Variants in PTH1R observed in about 807,000 individuals in gnomAD.
PTH1R encodes the protein parathyroid hormone/parathyroid hormone-related peptide receptor.
In PTH1R, 32 loss-of-function variants were observed where a neutral mutation model predicts 70.7. The ratio of observed to expected loss-of-function variants is 0.45; its 90% CI spans 0.34 to 0.61. The LOEUF is 0.61. PTH1R is among the 20% of genes least tolerant of loss of function. The pLI, the probability that PTH1R is intolerant of heterozygous loss-of-function variation, is 0.01. For missense variants in PTH1R, 626 were observed against 792.5 expected, an observed-to-expected ratio of 0.79 and a Z score of 2.52; for synonymous variants, 329 against 324.8, an observed-to-expected ratio of 1.01 and a Z score of -0.14.
At position 46,882,254 on chromosome 3, in the gene PTH1R, G is replaced by A. The variant is rs1194490248; in HGVS notation, c.-49+1136G>A. The stretch of plus-strand genomic sequence containing the variant: ...GCGCCCGGCCGGGGAGAAGGGGAGC[G>A]GCAGACGCCGAGGCGAGGGATGCGC... On this transcript the variant is annotated intron_variant, in intron 2 of 15. Coordinates refer to ENST00000449590, the MANE Select transcript of PTH1R (RefSeq NM_000316.3). This position sits in a 1 kb window ranked among gnomAD's most constrained non-coding sequence, Gnocchi z 4.3. 6.6e-6 allele frequency: 1 copy of A among 151,854 alleles called. No individual in the cohort carries two copies. The highest frequency in any genetic ancestry group is 2.4e-5 in the African/African-American group (1 of 41,356). 9.4% of individuals were successfully genotyped at this position (151,854 alleles called of 1,614,324 possible).
rs2031569428 is a variant in PTH1R at position 46,893,795 on chromosome 3, C to T, written c.76-112C>T. ...ATGCAGGGGAAATCCCACCTTCCCT[C>T]TAGAGTCAGGGCCTTTTGAAAGGGG... On this transcript the variant is annotated intron_variant, in intron 3 of 15. Transcript: ENST00000449590. The surrounding 1 kb of genome is among the most constrained non-coding windows in gnomAD (Gnocchi z 5.2). The T allele has an allele frequency of 1.0e-6, 1 of 962,580 alleles. No homozygotes were observed. The highest frequency in any genetic ancestry group is 1.6e-6 in the Non-Finnish European group (1 of 609,548). The allele number at this position is 962,580 out of a possible 1,614,324, so 59.6% of individuals were successfully genotyped here. A position where few individuals can be genotyped will look rare whatever the true frequency, so the allele number is the denominator to read the frequency against.
intron 6 of PTH1R, 51 bp downstream of exon 6, chr3:46,898,016 C>T (rs1435645283): frequency 8.7e-6 from 14 of 1,612,632 alleles, no homozygotes; most frequent in African/African-American, 1.3e-5. Context: ...AGACTTGGAG[C>T]TAGGGGTTCA....
In PTH1R at chr3:46,898,788, C is replaced by T; in HGVS notation, c.765C>T (p.Arg255=). 1.3e-6 allele frequency: 2 copies of T among 1,599,978 alleles called. No individual in the cohort carries two copies. Among genetic ancestry groups the T allele is most frequent in the Non-Finnish European group, 8.5e-7 (1 of 1,177,384 alleles). ...GCGCCACGCTTGATGAGGCTGAGCG[C>T]CTCACCGAGGAGGAGCTGCGCGCCA... ...YSGATLDEAE[R]LTEEELRAIA... Residue 255 remains arginine, a synonymous_variant, in exon 9 of 16, where the codon CGC becomes CGT. Coordinates refer to ENST00000449590, the MANE Select transcript of PTH1R (RefSeq NM_000316.3).
intron 3 of PTH1R, among the ~76,000 whole-genome samples, chr3:46,888,995 C>T (rs950610137): frequency 6.6e-6 from 1 of 152,186 alleles, no homozygotes; most frequent in Non-Finnish European, 1.5e-5. Context: ...GGTGGCGGGG[C>T]AGGACGAGGA....
rs2030858688 is a variant in PTH1R at position 46,884,095 on chromosome 3, C to A, written c.75+461C>A. Among the ~76,000 whole-genome samples, 1 of 152,152 alleles carries A rather than the reference C, an allele frequency of 6.6e-6. No homozygotes were observed. Among genetic ancestry groups the A allele is most frequent in the Non-Finnish European group, 1.5e-5 (1 of 68,020 alleles). On this transcript the variant is annotated intron_variant, in intron 3 of 15. Transcript: ENST00000449590. This position sits in a 1 kb window ranked among gnomAD's most constrained non-coding sequence, Gnocchi z 4.8. ...CCAGGCAGGGGGTAGGATTTAGGGG[C>A]CCCCTCCAGCCCTCACACACACACA...
At chr3:46,885,352 A>G (rs2030949005) in intron 3 of PTH1R, among the ~76,000 whole-genome samples, 1 of 152,164 alleles carries the variant, frequency 6.6e-6, no homozygotes, top group Admixed American at 6.5e-5. Context: ...TATTTCATAA[A>G]TGCTTCTGTA....
In PTH1R at chr3:46,883,461, G is replaced by A. The variant is rs1176965677; in HGVS notation, c.-48-51G>A. Reference sequence around the variant, plus strand: ...ACGCCGGGGTCCCATAGGCCGGGGCGTGGGCGGGGCGGCCAGCCTGACGCA... The same window carrying A: ...ACGCCGGGGTCCCATAGGCCGGGGCATGGGCGGGGCGGCCAGCCTGACGCA... On this transcript the variant is annotated intron_variant, in intron 2 of 15. Transcript: ENST00000449590. The surrounding 1 kb of genome is among the most constrained non-coding windows in gnomAD (Gnocchi z 6.4). The A allele has an allele frequency of 9.3e-7, 1 of 1,071,350 alleles. No individual in the cohort carries two copies. The highest frequency in any genetic ancestry group is 1.2e-6 in the Non-Finnish European group (1 of 839,336). The allele number at this position is 1,071,350 out of a possible 1,614,324, so 66.4% of individuals were successfully genotyped here.
At position 46,896,276 on chromosome 3, in the gene PTH1R, T is replaced by C. The variant is rs1350226566; in HGVS notation, c.313+407T>C. ...AGGCAGGGAGAGACAGTCACAGAGA[T>C]AGAGGGGACCAGGAGGCACACACTG... On this transcript the variant is annotated intron_variant, in intron 5 of 15. Transcript: ENST00000449590. This position sits in a 1 kb window ranked among gnomAD's most constrained non-coding sequence, Gnocchi z 4.1. Among the ~76,000 whole-genome samples the C allele has an allele frequency of 6.6e-6, 1 of 150,790 alleles. No individual in the cohort carries two copies. The highest frequency in any genetic ancestry group is 2.4e-5 in the African/African-American group (1 of 40,920).
In PTH1R at chr3:46,883,522, G is replaced by C. The variant is rs1417792970; in HGVS notation, c.-38G>C. 3 of 1,474,792 alleles carry C rather than the reference G, an allele frequency of 2.0e-6. No individual in the cohort carries two copies. The Admixed American group carries it at 6.9e-5, about 34-fold the overall frequency. 91.4% of individuals were successfully genotyped at this position (1,474,792 alleles called of 1,614,324 possible). A position where few individuals can be genotyped will look rare whatever the true frequency, so the allele number is the denominator to read the frequency against. On this transcript the variant is annotated 5_prime_UTR_variant, in exon 3 of 16. Transcript: ENST00000449590. The surrounding 1 kb of genome is among the most constrained non-coding windows in gnomAD (Gnocchi z 6.4). ...CCCTACCACCACCAGGGCCGGCGGC[G>C]GCGGCTGCCCCGAGGGACGCGGCCC...
At chr3:46,899,179 C>G (rs1294691625) in intron 9 of PTH1R, 124 bp from the exon 10 acceptor site, 3 of 1,334,408 alleles carry the variant, frequency 2.2e-6, no homozygotes, top group Non-Finnish European at 3.2e-6. Flanking sequence ...CAAACGAAGC[C>G]TGCCCCTTCC....
In PTH1R at chr3:46,899,469, A is replaced by T. The variant is rs763380608; in HGVS notation, c.988+13A>T. ...GTCTTCGGCTGGGGTACGCGGGCACAGCGGGTAGCGAGGTGCCGGCAGGGG... is the reference window on the plus strand; with the variant it reads ...GTCTTCGGCTGGGGTACGCGGGCACTGCGGGTAGCGAGGTGCCGGCAGGGG... On this transcript the variant is annotated intron_variant, in intron 10 of 15. Transcript: ENST00000449590. 3 of 1,607,650 alleles carry T rather than the reference A, an allele frequency of 1.9e-6. No individual in the cohort carries two copies. The South Asian group carries it at 3.3e-5, about 18-fold the overall frequency.
intron 3 of PTH1R, among the ~76,000 whole-genome samples, chr3:46,886,534 T>C (rs2106970309): frequency 6.6e-6 from 1 of 152,284 alleles, no homozygotes; most frequent in Non-Finnish European, 1.5e-5. Context: ...ATTTTTTGTA[T>C]TTTTAGTAGA....
Position 46,901,999 on chromosome 3 carries a change from C to T in PTH1R, c.1211+139C>T, listed in dbSNP as rs2032157321. 1 of 1,011,950 alleles carries T rather than the reference C, an allele frequency of 9.9e-7. No homozygotes were observed. Among genetic ancestry groups the T allele is most frequent in the Non-Finnish European group, 1.5e-6 (1 of 668,772 alleles). The allele number at this position is 1,011,950 out of a possible 1,614,324, so 62.7% of individuals were successfully genotyped here. Reference sequence around the variant, plus strand: ...CCCAGCGTCTGACTCCCTGGCTGTCCTCACCCACCTGGCCTGCCCAGCAGT... The same window carrying T: ...CCCAGCGTCTGACTCCCTGGCTGTCTTCACCCACCTGGCCTGCCCAGCAGT... On this transcript the variant is annotated intron_variant, in intron 13 of 15. Coordinates refer to ENST00000449590, the MANE Select transcript of PTH1R (RefSeq NM_000316.3). The surrounding 1 kb of genome is among the most constrained non-coding windows in gnomAD (Gnocchi z 7.3).
At position 46,893,051 on chromosome 3, in the gene PTH1R, G is replaced by T. The variant is rs1243642716; in HGVS notation, c.76-856G>T. Among the ~76,000 whole-genome samples the T allele has an allele frequency of 6.6e-6, 1 of 152,188 alleles. No individual in the cohort carries two copies. Among genetic ancestry groups the T allele is most frequent in the Non-Finnish European group, 1.5e-5 (1 of 68,032 alleles). On this transcript the variant is annotated intron_variant, in intron 3 of 15. Transcript: ENST00000449590. The surrounding 1 kb of genome is among the most constrained non-coding windows in gnomAD (Gnocchi z 5.2). ...ACCCCTCAGCAGCCACCTGCTCTGG[G>T]TGAGCCTCCACCCGCATGATATTTC...
At position 46,901,230 on chromosome 3, in the gene PTH1R, C is replaced by A; in HGVS notation, c.1049+145C>A. ...CAGTCCAGCCTCAAGCCAGGAGCAC[C>A]CTCAGGGTCACAGGAGGCTACTTCC... On this transcript the variant is annotated intron_variant, in intron 11 of 15. Coordinates refer to ENST00000449590, the MANE Select transcript of PTH1R (RefSeq NM_000316.3). The surrounding 1 kb of genome is among the most constrained non-coding windows in gnomAD (Gnocchi z 7.3). The A allele has an allele frequency of 1.5e-6, 2 of 1,307,648 alleles. No individual in the cohort carries two copies. The highest frequency in any genetic ancestry group is 2.5e-5 in the South Asian group (2 of 78,924). The allele number at this position is 1,307,648 out of a possible 1,614,324, so 81.0% of individuals were successfully genotyped here.
intron 2 of PTH1R, among the ~76,000 whole-genome samples, 190 bp downstream of exon 2, chr3:46,881,308 A>T (rs1302311023): frequency 6.6e-6 from 1 of 152,150 alleles, no homozygotes; most frequent in Non-Finnish European, 1.5e-5. Flanking sequence ...TTAGAGCTCC[A>T]GCGTGCCCTC....
chr3:46,903,165 G>A lies in PTH1R; in HGVS notation c.1396-105G>A, dbSNP rs1479244900. 2 of 1,550,146 alleles carry A rather than the reference G, an allele frequency of 1.3e-6. No individual in the cohort carries two copies. The highest frequency in any genetic ancestry group is 1.7e-6 in the Non-Finnish European group (2 of 1,147,220). On this transcript the variant is annotated intron_variant, in intron 15 of 15. Transcript: ENST00000449590. This position sits in a 1 kb window ranked among gnomAD's most constrained non-coding sequence, Gnocchi z 4.4. ...CACTTGGCCTTGGAGTTTCCCAGGA[G>A]TCCCCTATTCCCATTTTCATTCCGT...
Position 46,899,351 on chromosome 3 carries a change from A to G in PTH1R, c.883A>G (p.Asn295Asp), listed in dbSNP as rs202059785. 3.1e-6 allele frequency: 5 copies of G among 1,614,036 alleles called. No homozygotes were observed. Among genetic ancestry groups the G allele is most frequent in the Non-Finnish European group, 4.2e-6 (5 of 1,180,000 alleles). The change falls in exon 10 of 16, where the codon AAC becomes GAC. Residue 295 changes from asparagine to aspartate, a missense_variant. By Grantham distance (23) the Asn-to-Asp change is conservative. Transcript: ENST00000449590. ...CTTCTTCCTTTACTTCCTGGCCACC[A>G]ACTACTACTGGATTCTGGTGGAGGG... is the stretch of plus-strand genomic sequence containing the variant. Reference protein sequence around the residue: ...VTFFLYFLATNYYWILVEGLY... With the variant: ...VTFFLYFLATDYYWILVEGLY...
intron 3 of PTH1R, among the ~76,000 whole-genome samples, chr3:46,889,729 G>A (rs921604081): frequency 6.6e-6 from 1 of 152,150 alleles, no homozygotes; most frequent in African/African-American, 2.4e-5. Flanking sequence ...GGGGGATATG[G>A]GACAGCTGGT....
Sources: gnomAD v4.1 joint callset for allele counts (sites outside exome capture counted in the v4.1 genomes callset) on GRCh38, gnomAD v4.1.1 for gene constraint, Gnocchi (gnomAD v3.1) non-coding constraint, MANE v1.5 for transcripts, NCBI Gene and HGNC (gene_info 2026-07-23, HGNC 2026-07-21) for gene names.